TBC1D22A: variants seen among roughly 807,000 people sequenced by gnomAD.
TBC1D22A encodes the protein putative GTPase activator.
A neutral mutation model predicts 60.2 loss-of-function variants in TBC1D22A; 38 were observed. The observed-to-expected ratio is 0.63, with a 90% CI of 0.49 to 0.83. TBC1D22A has a LOEUF of 0.83. Among genes scored for constraint, TBC1D22A ranks in the 40% least tolerant of loss-of-function variants. The pLI, the probability that TBC1D22A is intolerant of heterozygous loss-of-function variation, is 0.00. For missense variants in TBC1D22A, 628 were observed against 701.0 expected (o/e 0.90, Z 1.18); for synonymous variants, 302 against 281.7 (o/e 1.07, Z -0.72).
chr22:47,004,153 C>G (rs187394502), intron 10 of TBC1D22A, among the ~76,000 whole-genome samples: 1 of 150,818 alleles, frequency 6.6e-6, no homozygotes, highest in African/African-American at 2.4e-5. Context: ...CACATACACA[C>G]TCCTATACAC....
At chr22:47,149,958 C>T (rs924262729) in intron 12 of TBC1D22A, among the ~76,000 whole-genome samples, 2 of 152,086 alleles carry the variant, frequency 1.3e-5, no homozygotes, top group African/African-American at 2.4e-5. Flanking sequence ...GAGGGGCCTC[C>T]TCTCCCATAG....
chr22:46,969,711 T>C (rs976214126), intron 8 of TBC1D22A, among the ~76,000 whole-genome samples: 1 of 152,094 alleles, frequency 6.6e-6, no homozygotes, highest in Non-Finnish European at 1.5e-5. Flanking sequence ...CCCACCACCT[T>C]GCGGGCTCTT....
At chr22:47,010,312 C>CG (rs1305292000) in intron 10 of TBC1D22A, among the ~76,000 whole-genome samples, 1 of 152,014 alleles carries the variant, frequency 6.6e-6, no homozygotes, top group Admixed American at 6.5e-5. Context: ...GCAGCCAGGC[C>CG]GGGGAACAGG....
At chr22:47,118,438 CTG>C (rs1332727039) in intron 12 of TBC1D22A, among the ~76,000 whole-genome samples, 1 of 152,172 alleles carries the variant, frequency 6.6e-6, no homozygotes, top group Non-Finnish European at 1.5e-5. Flanking sequence ...GGAAATGACC[CTG>C]TAATTACAGA....
intron 11 of TBC1D22A, among the ~76,000 whole-genome samples, chr22:47,054,646 C>G (rs75426631): frequency 0.013 from 2,030 of 152,328 alleles, 43 homozygotes; most frequent in African/African-American, 0.045. Context: ...ACTCATTTCC[C>G]CCTTGCTGAT....
At chr22:46,778,891 A>G (rs2083818015) in intron 1 of TBC1D22A, among the ~76,000 whole-genome samples, 1 of 152,118 alleles carries the variant, frequency 6.6e-6, no homozygotes, top group African/African-American at 2.4e-5. Flanking sequence ...TAAAAGTACA[A>G]AAATTAGCCG....
At chr22:46,788,215 C>T (rs977554974) in intron 1 of TBC1D22A, among the ~76,000 whole-genome samples, 3 of 152,126 alleles carry the variant, frequency 2.0e-5, no homozygotes, top group Admixed American at 1.3e-4. Context: ...GGATTACAGG[C>T]GTGAGCCACC....
chr22:47,097,633 A>G (rs952051874), intron 11 of TBC1D22A, among the ~76,000 whole-genome samples: 2 of 152,162 alleles, frequency 1.3e-5, no homozygotes, highest in Non-Finnish European at 2.9e-5. Flanking sequence ...AAGAAAAAGA[A>G]AAGAAATGCA....
At chr22:46,909,842 TG>T (rs2069776678) in intron 7 of TBC1D22A, among the ~76,000 whole-genome samples, 1 of 152,172 alleles carries the variant, frequency 6.6e-6, no homozygotes, top group Non-Finnish European at 1.5e-5. Context: ...CCCCTGGGCT[TG>T]CTTCACGCCC....
intron 12 of TBC1D22A, among the ~76,000 whole-genome samples, chr22:47,145,701 AT>A (rs1312560107): frequency 6.6e-6 from 1 of 152,020 alleles, no homozygotes; most frequent in Non-Finnish European, 1.5e-5. Context: ...GTTTGTTCTG[AT>A]TTTTTTCTAA....
intron 8 of TBC1D22A, among the ~76,000 whole-genome samples, chr22:46,923,737 A>G (rs539361968): frequency 2.0e-5 from 3 of 152,256 alleles, no homozygotes; most frequent in South Asian, 4.1e-4. Flanking sequence ...TTGTATTTAC[A>G]TAGTCGAGTG....
chr22:46,801,918 C>G (rs775429125), intron 4 of TBC1D22A, among the ~76,000 whole-genome samples: 5 of 152,228 alleles, frequency 3.3e-5, no homozygotes, highest in Non-Finnish European at 7.3e-5. Flanking sequence ...AGCCGTACAC[C>G]TTGGCAGCAC....
chr22:47,060,129 G>C (rs2063518432), intron 11 of TBC1D22A, among the ~76,000 whole-genome samples: 1 of 152,086 alleles, frequency 6.6e-6, no homozygotes, highest in East Asian at 1.9e-4. Context: ...GCACGTGTTG[G>C]CTCCGTTTAT....
At chr22:46,939,647 C>T (rs2071866885) in intron 8 of TBC1D22A, among the ~76,000 whole-genome samples, 1 of 152,224 alleles carries the variant, frequency 6.6e-6, no homozygotes, top group South Asian at 2.1e-4. Context: ...AAAATCTTCT[C>T]CCATTTTGGA....
chr22:46,828,536 C>T (rs1170312301), intron 4 of TBC1D22A, among the ~76,000 whole-genome samples: 2 of 152,266 alleles, frequency 1.3e-5, no homozygotes, highest in Non-Finnish European at 1.5e-5. Context: ...TTGGGAGTCT[C>T]CCGTCTGGCC....
intron 12 of TBC1D22A, among the ~76,000 whole-genome samples, chr22:47,167,086 G>T (rs1037530035): frequency 2.6e-5 from 4 of 152,206 alleles, no homozygotes; most frequent in Admixed American, 2.6e-4. Flanking sequence ...AGAATTTATG[G>T]ATAAGTAAAA....
At chr22:46,986,824 C>T (rs560391368) in intron 9 of TBC1D22A, among the ~76,000 whole-genome samples, 3 of 152,322 alleles carry the variant, frequency 2.0e-5, no homozygotes, top group Non-Finnish European at 2.9e-5. Flanking sequence ...CCTTTGTGCT[C>T]TCGGGCTCTG....
chr22:46,885,445 T>C (rs112417506), intron 5 of TBC1D22A, among the ~76,000 whole-genome samples: 1 of 152,198 alleles, frequency 6.6e-6, no homozygotes, highest in African/African-American at 2.4e-5. Context: ...CAGCACTGTG[T>C]GAAGCACGGA....
At chr22:46,861,065 C>CT (rs2087854497) in intron 4 of TBC1D22A, among the ~76,000 whole-genome samples, 1 of 152,138 alleles carries the variant, frequency 6.6e-6, no homozygotes, top group African/African-American at 2.4e-5. Flanking sequence ...TCAAGCCATT[C>CT]TCCTATCTCA....
Sources: gnomAD v4.1 joint callset for allele counts (sites outside exome capture counted in the v4.1 genomes callset) on GRCh38, gnomAD v4.1.1 for gene constraint, MANE v1.5 for transcripts, NCBI Gene and HGNC (gene_info 2026-07-23, HGNC 2026-07-21) for gene names.